The following LPIN1 variants were observed in gnomAD, a reference collection of about 807,000 sequenced individuals.
LPIN1 encodes the protein lipin 1.
Under a neutral mutation model 107.5 loss-of-function variants are expected in LPIN1, and 71 were observed. The ratio of observed to expected loss-of-function variants is 0.66; its 90% CI spans 0.55 to 0.80. LPIN1 has a LOEUF of 0.80. Among genes scored for constraint, LPIN1 ranks in the 30% least tolerant of loss-of-function variants. The pLI is 0.00. For synonymous variants in LPIN1, 445 were observed against 452.6 expected, an observed-to-expected ratio of 0.98 and a Z score of 0.21; for missense variants, 1,043 against 1,160.6, an observed-to-expected ratio of 0.90 and a Z score of 1.47.
chr2:11,746,252 A>T (rs1666895210), upstream of LPIN1: 1 of 152,298 alleles, frequency 6.6e-6, no homozygotes, highest in Admixed American at 6.5e-5. Flanking sequence ...GATAAGCGGG[A>T]CCCATAGGAC....
In LPIN1 at chr2:11,766,370, A is replaced by G. The variant is rs189015734; in HGVS notation, c.192+637A>G. Among the ~76,000 whole-genome samples, 64 of 152,320 alleles carry G rather than the reference A, an allele frequency of 4.2e-4. 1 individual carries two copies. The highest frequency in any genetic ancestry group is 1.2e-3 in the African/African-American group (50 of 41,574). On this transcript the variant is annotated intron_variant, in intron 2 of 20. Coordinates refer to ENST00000674199, the MANE Select transcript of LPIN1 (RefSeq NM_001349206.2). ...TGTCAATGGAAGAAGGATAAAGTTC[A>G]TAAATTTGGAGAGGAGAACTAGGTT...
Position 11,824,677 on chromosome 2 carries a change from G to A in LPIN1, c.2667G>A (p.Leu889=), listed in dbSNP as rs1490870778. 6.2e-7 allele frequency: 1 copy of A among 1,613,988 alleles called. No homozygotes were observed. The highest frequency in any genetic ancestry group is 8.5e-7 in the Non-Finnish European group (1 of 1,180,026). ...CEVVDHVFPL[L]KRSHSSDFPC... Reference sequence around the variant, plus strand: ...TAGTCGACCACGTTTTCCCGTTGCTGAAAAGAAGCCATTCTTCAGACTTTC... The same window carrying A: ...TAGTCGACCACGTTTTCCCGTTGCTAAAAAGAAGCCATTCTTCAGACTTTC... The change falls in exon 21 of 21, where the codon CTG becomes CTA. Residue 889 remains leucine (L), a synonymous_variant. Transcript: ENST00000674199.
chr2:11,781,556 C>G (rs1673573232), intron 7 of LPIN1, among the ~76,000 whole-genome samples: 1 of 152,254 alleles, frequency 6.6e-6, no homozygotes, highest in South Asian at 2.1e-4. Flanking sequence ...ATCAGAAATG[C>G]TAATTTCTCA....
intron 12 of LPIN1, 54 bp downstream of exon 12, chr2:11,788,510 AT>A (rs1330708513): frequency 1.3e-5 from 18 of 1,337,244 alleles, no homozygotes; most frequent in Non-Finnish European, 1.8e-5. Flanking sequence ...GGGTAGCTTA[AT>A]CTGGGGTGGT....
In LPIN1 at chr2:11,771,718, A is replaced by C. The variant is rs1196222340; in HGVS notation, c.596+39A>C. 6.5e-7 allele frequency: 1 copy of C among 1,530,232 alleles called. No individual in the cohort carries two copies. Among genetic ancestry groups the C allele is most frequent in the Admixed American group, 2.0e-5 (1 of 51,184 alleles). 94.8% of individuals were successfully genotyped at this position (1,530,232 alleles called of 1,614,324 possible). A position where few individuals can be genotyped will look rare whatever the true frequency, so the allele number is the denominator to read the frequency against. ...AGGGTGGAGGGGCTGTGCCAGAATC[A>C]GACAGTTAACTGTTCAAGATTATTT... is the stretch of plus-strand genomic sequence containing the variant. On this transcript the variant is annotated intron_variant, in intron 4 of 20. Transcript: ENST00000674199. The surrounding 1 kb of genome is among the most constrained non-coding windows in gnomAD (Gnocchi z 4.8).
At chr2:11,763,995 A>G (rs182714539) in intron 1 of LPIN1, among the ~76,000 whole-genome samples, 13,646 of 115,686 alleles carry the variant, frequency 0.12, 962 homozygotes, top group African/African-American at 0.26. Context: ...GTGTATATAT[A>G]TATATATATA....
chr2:11,746,567 C>T (rs114603481), upstream of LPIN1: 3,300 of 825,798 alleles, frequency 4.0e-3, 90 homozygotes, highest in African/African-American at 0.057. Flanking sequence ...CCCGCCCCTG[C>T]CCTCTGCCCC....
rs11524 is a variant in LPIN1, at chr2:11,826,191, T to C, written c.*1400T>C. On this transcript the variant is annotated 3_prime_UTR_variant, in exon 21 of 21. Transcript: ENST00000674199. ...AAACATTTTCCTATTTAAATTTCAT[T>C]GTTAGAATCACAGGAGGCAAAAAAT... The C allele has an allele frequency of 0.21, 31,989 of 152,530 alleles. 5,212 individuals carry two copies. The highest frequency in any genetic ancestry group is 0.45 in the African/African-American group (18,467 of 41,420). The allele number at this position is 152,530 out of a possible 1,614,324, so 9.4% of individuals were successfully genotyped here. A position where few individuals can be genotyped will look rare whatever the true frequency, so the allele number is the denominator to read the frequency against.
chr2:11,813,563 A>G (rs1413992288), intron 17 of LPIN1, among the ~76,000 whole-genome samples: 1 of 152,000 alleles, frequency 6.6e-6, no homozygotes, highest in Non-Finnish European at 1.5e-5. Context: ...GAAACTTGGT[A>G]TATATTTTAT....
chr2:11,685,666 C>G (rs1421180026), intron 1 of LPIN1, among the ~76,000 whole-genome samples: 1 of 152,168 alleles, frequency 6.6e-6, no homozygotes, highest in Non-Finnish European at 1.5e-5. Context: ...CCGAGTCCCC[C>G]CAGAGGGTAG....
chr2:11,780,349 G>A (rs1673382805), intron 7 of LPIN1, among the ~76,000 whole-genome samples: 1 of 152,188 alleles, frequency 6.6e-6, no homozygotes, highest in Non-Finnish European at 1.5e-5. Context: ...TGGACTCTTG[G>A]CCCATTGAAA....
At chr2:11,715,958 TC>T (rs1399568855) in intron 2 of LPIN1, among the ~76,000 whole-genome samples, 1 of 152,094 alleles carries the variant, frequency 6.6e-6, no homozygotes, top group Non-Finnish European at 1.5e-5. Flanking sequence ...AGATCTGCAG[TC>T]CTGTGAGAGT....
At position 11,782,329 on chromosome 2, in the gene LPIN1, C is replaced by T. The variant is rs746688689; in HGVS notation, c.1086C>T (p.Val362=). The change falls in exon 8 of 21, where the codon GTC becomes GTT. Residue 362 remains valine (V), a synonymous_variant. Transcript: ENST00000674199. ...DTFSDQSPTL[V]GGALLDQNKP... is the part of the protein sequence containing the mutation. ...TTAGTGACCAATCGCCAACTCTGGT[C>T]GGTGGGGCACTTTTGGACCAGAACA... 13 of 1,614,188 alleles carry T rather than the reference C, an allele frequency of 8.1e-6. No homozygotes were observed. Among genetic ancestry groups the T allele is most frequent in the South Asian group, 3.3e-5 (3 of 91,064 alleles).
At chr2:11,793,697 G>A (rs1177876690) in intron 13 of LPIN1, among the ~76,000 whole-genome samples, 1 of 152,232 alleles carries the variant, frequency 6.6e-6, no homozygotes, top group African/African-American at 2.4e-5. Flanking sequence ...AGCAGATCCA[G>A]TAGCCCTTTC....
intron 1 of LPIN1, among the ~76,000 whole-genome samples, chr2:11,735,046 C>G (rs1279922121): frequency 6.6e-6 from 1 of 152,102 alleles, no homozygotes; most frequent in Non-Finnish European, 1.5e-5. Flanking sequence ...AATCCCAGCA[C>G]TTTGGGAGGC....
chr2:11,775,905 A>T (rs1467953274), intron 5 of LPIN1, among the ~76,000 whole-genome samples, 181 bp from the exon 6 acceptor site: 2 of 147,676 alleles, frequency 1.4e-5, no homozygotes, highest in Non-Finnish European at 3.0e-5. Context: ...TATATAAAGT[A>T]TATTATATAT....
rs1682179268 is a variant in LPIN1, at chr2:11,824,945, C to T, written c.*154C>T. Reference sequence around the variant, plus strand: ...ATTGAGAAGCATTTCTCCCCTGCCCCACCCCGGGGCTGACATTTCTAAGCA... The same window carrying T: ...ATTGAGAAGCATTTCTCCCCTGCCCTACCCCGGGGCTGACATTTCTAAGCA... On this transcript the variant is annotated 3_prime_UTR_variant, in exon 21 of 21. Transcript: ENST00000674199. The T allele has an allele frequency of 2.4e-6, 2 of 823,168 alleles. No individual in the cohort carries two copies. The highest frequency in any genetic ancestry group is 4.8e-5 in the Admixed American group (2 of 41,240). The allele number at this position is 823,168 out of a possible 1,614,324, so 51.0% of individuals were successfully genotyped here. A position where few individuals can be genotyped will look rare whatever the true frequency, so the allele number is the denominator to read the frequency against.
At chr2:11,785,967 C>T (rs1674505801) in intron 10 of LPIN1, among the ~76,000 whole-genome samples, 1 of 152,294 alleles carries the variant, frequency 6.6e-6, no homozygotes, top group South Asian at 2.1e-4. Context: ...CACATTAATA[C>T]CCAGCCTCAC....
intron 6 of LPIN1, 117 bp from the exon 7 acceptor site, chr2:11,779,402 A>T: frequency 9.0e-7 from 1 of 1,116,644 alleles, no homozygotes; most frequent in Non-Finnish European, 1.3e-6. Context: ...GGCTCCGCTC[A>T]GAGCGAACGA....
Sources: allele counts gnomAD v4.1 joint callset (sites outside exome capture counted in the v4.1 genomes callset), GRCh38; gene constraint gnomAD v4.1.1; non-coding constraint Gnocchi (gnomAD v3.1); transcripts MANE v1.5; gene names NCBI Gene and HGNC (gene_info 2026-07-23, HGNC 2026-07-21).